ANKRD62: variants seen among roughly 807,000 people sequenced by gnomAD.
The protein encoded by ANKRD62 is ankyrin repeat domain 62.
A neutral mutation model predicts 98.8 loss-of-function variants in ANKRD62; 61 were observed. The ratio of observed to expected loss-of-function variants is 0.62; its 90% CI spans 0.50 to 0.76. The LOEUF (loss-of-function observed/expected upper bound fraction) is 0.76. ANKRD62 is among the 30% of genes least tolerant of loss of function. ANKRD62 has a pLI of 0.00. For synonymous variants in ANKRD62, 341 were observed against 367.9 expected (o/e 0.93, Z 0.84); for missense variants, 933 against 1,082.9 (o/e 0.86, Z 1.94).
intron 5 of ANKRD62, chr18:12,098,646 A>G (rs982448823): frequency 1.3e-5 from 2 of 152,380 alleles, no homozygotes; most frequent in East Asian, 1.9e-4. Flanking sequence ...TCATTACAAA[A>G]ACATTGGAGT....
chr18:12,139,722 A>G, the ANKRD62 span, among the ~76,000 whole-genome samples: 254 of 151,818 alleles, frequency 1.7e-3, 3 homozygotes, highest in Non-Finnish European at 2.5e-3. Flanking sequence ...ATCAGCTGTT[A>G]GTCTGATGGG....
In ANKRD62 at chr18:12,128,560, T is replaced by G. The variant is rs1357617667; in HGVS notation, c.*621T>G. ...GTTTGAGATGTTTGGGTGGGTCAAG[T>G]GGGCATTTTGACAACGTGGCTTCTC... On this transcript the variant is annotated 3_prime_UTR_variant, in exon 14 of 14. Coordinates refer to ENST00000587848, the MANE Select transcript of ANKRD62 (RefSeq NM_001277333.2). 2 of 152,222 alleles carry G rather than the reference T, an allele frequency of 1.3e-5. No individual in the cohort carries two copies. Among genetic ancestry groups the G allele is most frequent in the Non-Finnish European group, 2.9e-5 (2 of 68,030 alleles). 9.4% of individuals were successfully genotyped at this position (152,222 alleles called of 1,614,324 possible).
At chr18:12,109,960 A>AC (rs1909503288) in intron 8 of ANKRD62, among the ~76,000 whole-genome samples, 1 of 151,798 alleles carries the variant, frequency 6.6e-6, no homozygotes, top group Non-Finnish European at 1.5e-5. Context: ...CAAAAAAAAA[A>AC]AAAAAAAAAA....
intron 8 of ANKRD62, among the ~76,000 whole-genome samples, chr18:12,110,556 C>A (rs1000089249): frequency 1.3e-5 from 2 of 152,126 alleles, no homozygotes; most frequent in Admixed American, 6.5e-5. Context: ...TTAGGTCATC[C>A]ACGATAATGC....
chr18:12,133,022 A>G (rs569818027), downstream of ANKRD62, among the ~76,000 whole-genome samples: 1 of 152,250 alleles, frequency 6.6e-6, no homozygotes, highest in South Asian at 2.1e-4. Context: ...ATCCATTTCT[A>G]GAATTTTTTC....
At chr18:12,178,421 C>T in the ANKRD62 span, among the ~76,000 whole-genome samples, 3 of 142,386 alleles carry the variant, frequency 2.1e-5, 1 homozygote, top group Admixed American at 1.4e-4. Context: ...GAAACCATTG[C>T]AAAGTTTCAC....
In ANKRD62 at chr18:12,107,289, T is replaced by C; in HGVS notation, c.892-6T>C. 5 of 1,482,060 alleles carry C rather than the reference T, an allele frequency of 3.4e-6. No individual in the cohort carries two copies. Among genetic ancestry groups the C allele is most frequent in the Non-Finnish European group, 4.4e-6 (5 of 1,123,834 alleles). 91.8% of individuals were successfully genotyped at this position (1,482,060 alleles called of 1,614,324 possible). A position where few individuals can be genotyped will look rare whatever the true frequency, so the allele number is the denominator to read the frequency against. On this transcript the variant is annotated splice_polypyrimidine_tract_variant and splice_region_variant and intron_variant, in intron 7 of 13. Coordinates refer to ENST00000587848, the MANE Select transcript of ANKRD62 (RefSeq NM_001277333.2). ...AATTATTCTCAGTATGAAACTTTCA[T>C]TGAAGGTTGAAGAAAAAATGAAGAA...
At chr18:12,099,555 G>T in intron 5 of ANKRD62, 60 bp from the exon 6 acceptor site, 1 of 1,068,676 alleles carries the variant, frequency 9.4e-7, no homozygotes, top group Non-Finnish European at 1.3e-6. Context: ...AATGTATTTG[G>T]TAAAGTTTTT....
In ANKRD62 at chr18:12,094,079, A is replaced by C; in HGVS notation, c.62A>C (p.Asn21Thr). The C allele has an allele frequency of 6.5e-7, 1 of 1,535,064 alleles. No individual in the cohort carries two copies. Among genetic ancestry groups the C allele is most frequent in the Non-Finnish European group, 8.7e-7 (1 of 1,146,716 alleles). Residue 21 changes from asparagine (N) to threonine (T), a missense_variant, in exon 1 of 14, where the codon AAT (asparagine) becomes ACT (threonine). Physicochemically the swap from Asn to Thr is moderately conservative, Grantham distance 65. This residue lies in a region of ANKRD62 where 549 missense variants were observed against 587.9 expected (regional missense o/e 0.93). Transcript: ENST00000587848. ...CRRRMATWRK[N>T]RDKDGFSNPG... ...AGACGCATGGCTACCTGGAGGAAGA[A>C]TCGTGACAAGGATGGCTTCTCAAAT...
chr18:12,110,421 A>G (rs895559977), intron 8 of ANKRD62, among the ~76,000 whole-genome samples: 3 of 152,218 alleles, frequency 2.0e-5, no homozygotes, highest in Non-Finnish European at 2.9e-5. Flanking sequence ...TTATTCATTT[A>G]TACCATGGTC....
chr18:12,099,611 A>G lies in ANKRD62; in HGVS notation c.753-4A>G, dbSNP rs1364494806. The G allele has an allele frequency of 3.4e-6, 5 of 1,476,088 alleles. No individual in the cohort carries two copies. In the Admixed American group the frequency reaches 6.8e-5, roughly 20 times the overall value. The allele number at this position is 1,476,088 out of a possible 1,614,324, so 91.4% of individuals were successfully genotyped here. A position where few individuals can be genotyped will look rare whatever the true frequency, so the allele number is the denominator to read the frequency against. On this transcript the variant is annotated splice_region_variant and splice_polypyrimidine_tract_variant and intron_variant, in intron 5 of 13. Transcript: ENST00000587848. ...AATTGTATTTACTGCATTTTGATACATAGCATTCGTGGAATGATTTCTGAA... is the reference window on the plus strand; with the variant it reads ...AATTGTATTTACTGCATTTTGATACGTAGCATTCGTGGAATGATTTCTGAA...
intron 10 of ANKRD62, among the ~76,000 whole-genome samples, chr18:12,118,713 T>A (rs533063309): frequency 1.3e-5 from 2 of 152,330 alleles, no homozygotes; most frequent in Admixed American, 1.3e-4. Context: ...TGGTTTGATT[T>A]GTCATATCTT....
chr18:12,098,204 T>C (rs1039365005), intron 5 of ANKRD62, among the ~76,000 whole-genome samples: 1 of 152,212 alleles, frequency 6.6e-6, no homozygotes, highest in African/African-American at 2.4e-5. Flanking sequence ...TTGTCCGCAG[T>C]GGGCTCCAAC....
intron 13 of ANKRD62, among the ~76,000 whole-genome samples, chr18:12,126,594 T>G (rs1489769536): frequency 1.3e-5 from 2 of 152,206 alleles, no homozygotes. Flanking sequence ...AATGTGACAC[T>G]TAGGAAATTT....
the ANKRD62 span, among the ~76,000 whole-genome samples, chr18:12,170,103 G>T: frequency 6.6e-6 from 1 of 152,068 alleles, no homozygotes; most frequent in Admixed American, 6.6e-5. Flanking sequence ...TTGATTTTTT[G>T]AAGGGTTTTT....
At chr18:12,132,738 A>G (rs377376969), downstream of ANKRD62, among the ~76,000 whole-genome samples, 5 of 152,182 alleles carry the variant, frequency 3.3e-5, no homozygotes, top group East Asian at 5.8e-4. Context: ...ACATAATCAT[A>G]TGGTTTTTAT....
At chr18:12,138,157 T>G in the ANKRD62 span, among the ~76,000 whole-genome samples, 1 of 152,170 alleles carries the variant, frequency 6.6e-6, no homozygotes, top group African/African-American at 2.4e-5. Flanking sequence ...ATTTTAGATC[T>G]TTCCTGCTTT....
chr18:12,114,102 C>T (rs1327936679), intron 8 of ANKRD62, among the ~76,000 whole-genome samples: 1 of 152,114 alleles, frequency 6.6e-6, no homozygotes. Context: ...CACATAGACA[C>T]ATTGATAGGA....
At chr18:12,167,506 G>T in the ANKRD62 span, among the ~76,000 whole-genome samples, 1 of 152,164 alleles carries the variant, frequency 6.6e-6, no homozygotes, top group Non-Finnish European at 1.5e-5. Context: ...TGGTGTATAT[G>T]TGCCACATTT....
Sources: gnomAD v4.1 joint callset for allele counts (sites outside exome capture counted in the v4.1 genomes callset) on GRCh38, gnomAD v4.1.1 for gene constraint, gnomAD v4.1.1 regional missense constraint, MANE v1.5 for transcripts, NCBI Gene and HGNC (gene_info 2026-07-23, HGNC 2026-07-21) for gene names.